The following IPO11 variants were observed in gnomAD, a reference collection of about 807,000 sequenced individuals.
IPO11 encodes importin 11.
IPO11 carries 66 observed loss-of-function variants against 143.2 expected under a neutral mutation model. The observed-to-expected ratio is 0.46, with a 90% confidence interval of 0.38 to 0.57. The LOEUF (loss-of-function observed/expected upper bound fraction) is 0.57, where lower values mean the gene tolerates loss of function less well. Among genes scored for constraint, IPO11 ranks in the 20% least tolerant of loss-of-function variants. The pLI is 0.00. For synonymous variants in IPO11, 385 were observed against 377.8 expected, an observed-to-expected ratio of 1.02 and a Z score of -0.22; for missense variants, 1,026 against 1,141.0, an observed-to-expected ratio of 0.90 and a Z score of 1.45.
intron 19 of IPO11, among the ~76,000 whole-genome samples, chr5:62,513,340 G>C (rs1741853224): frequency 7.1e-6 from 1 of 140,648 alleles, no homozygotes; most frequent in Non-Finnish European, 1.6e-5. Flanking sequence ...TCCCAGACGG[G>C]GCGGCTGGCT....
At chr5:62,590,809 T>C (rs1302776832) in intron 27 of IPO11, among the ~76,000 whole-genome samples, 1 of 152,208 alleles carries the variant, frequency 6.6e-6, no homozygotes, top group Non-Finnish European at 1.5e-5. Context: ...TTAATTTGAA[T>C]TTCCCTAATG....
rs32052 is a variant in IPO11 at position 62,582,348 on chromosome 5, C to T, written c.2583-9229C>T. On this transcript the variant is annotated intron_variant, in intron 27 of 29. Coordinates refer to ENST00000325324, the MANE Select transcript of IPO11 (RefSeq NM_016338.5). ...GAACTGCCTTGGTGATTGGTTGAGG[C>T]GTGGCAGGGGAGGGAGAAGTCAAAG... Among the ~76,000 whole-genome samples the T allele has an allele frequency of 3.3e-5, 5 of 151,966 alleles. No homozygotes were observed. In the South Asian group the frequency reaches 8.3e-4, roughly 25 times the overall value.
chr5:62,605,368 A>T (rs1483327901), intron 29 of IPO11, among the ~76,000 whole-genome samples: 5 of 152,204 alleles, frequency 3.3e-5, no homozygotes, highest in African/African-American at 1.2e-4. Flanking sequence ...TCAAATAAGG[A>T]TGAAATTTAC....
intron 29 of IPO11, among the ~76,000 whole-genome samples, chr5:62,603,713 G>C (rs1745593438): frequency 6.6e-6 from 1 of 152,198 alleles, no homozygotes; most frequent in Non-Finnish European, 1.5e-5. Flanking sequence ...CGCAGACATG[G>C]AGAGAACATG....
chr5:62,504,889 G>C lies in IPO11; in HGVS notation c.1656G>C (p.Gln552His). 6.5e-7 allele frequency: 1 copy of C among 1,548,288 alleles called. No individual in the cohort carries two copies. The highest frequency in any genetic ancestry group is 1.2e-5 in the South Asian group (1 of 82,172). ...ATGATTTTGAATTTAGAACAGATCA[G>C]TTTCTACCGGTAAGAATATACATTT... ...TVDDFEFRTD[Q>H]FLPYLETMFT... Residue 552 changes from glutamine (Q) to histidine (H), a missense_variant, in exon 18 of 30, where the codon CAG (glutamine) becomes CAC (histidine). Physicochemically the swap from Gln to His is conservative, Grantham distance 24. Transcript: ENST00000325324.
intron 16 of IPO11, among the ~76,000 whole-genome samples, chr5:62,503,400 A>ATTAATAGTATCTATTAATATG (rs1741422497): frequency 6.8e-6 from 1 of 146,364 alleles, no homozygotes; most frequent in African/African-American, 2.5e-5. Context: ...CTATTAATAT[A>ATTAATAGTATCTATTAATATG]TTAATAGTAT....
chr5:62,612,615 T>C (rs1327537690), intron 29 of IPO11, among the ~76,000 whole-genome samples: 2 of 152,006 alleles, frequency 1.3e-5, no homozygotes, highest in East Asian at 1.9e-4. Flanking sequence ...AAAATAGTTA[T>C]TTATAAAAAT....
At chr5:62,435,715 A>T (rs1437209350) in intron 1 of IPO11, among the ~76,000 whole-genome samples, 2 of 145,612 alleles carry the variant, frequency 1.4e-5, no homozygotes, top group Non-Finnish European at 3.0e-5. Context: ...ACAGAGCAAG[A>T]CTCTGTCTCA....
At chr5:62,445,574 A>G (rs547735928) in intron 3 of IPO11, among the ~76,000 whole-genome samples, 1 of 152,224 alleles carries the variant, frequency 6.6e-6, no homozygotes, top group Admixed American at 6.5e-5. Context: ...CCATACAACC[A>G]TTCTATTTTT....
At position 62,560,125 on chromosome 5, in the gene IPO11, A is replaced by C. The variant is rs73108051; in HGVS notation, c.2461-1011A>C. Among the ~76,000 whole-genome samples the C allele has an allele frequency of 6.2e-3, 941 of 152,228 alleles. 8 individuals are homozygous for C. The highest frequency in any genetic ancestry group is 0.022 in the African/African-American group (905 of 41,524). ...AAGAATGCCATATGCAGCATAGACT[A>C]TAATTAGTGCAGTAAAGTCAAGATT... On this transcript the variant is annotated intron_variant, in intron 26 of 29. Coordinates refer to ENST00000325324, the MANE Select transcript of IPO11 (RefSeq NM_016338.5).
intron 24 of IPO11, among the ~76,000 whole-genome samples, chr5:62,548,415 CTGT>C (rs1743281703): frequency 6.6e-6 from 1 of 151,980 alleles, no homozygotes. Flanking sequence ...CTGCTTGTTC[CTGT>C]TGTTATGAAA....
At chr5:62,463,637 C>T (rs768332958) in intron 5 of IPO11, among the ~76,000 whole-genome samples, 4 of 151,048 alleles carry the variant, frequency 2.6e-5, no homozygotes, top group Non-Finnish European at 4.4e-5. Flanking sequence ...CGCCACTGCA[C>T]TCTAGCCTGG....
chr5:62,534,091 T>C (rs1742652690), intron 22 of IPO11, among the ~76,000 whole-genome samples: 1 of 152,228 alleles, frequency 6.6e-6, no homozygotes, highest in Non-Finnish European at 1.5e-5. Context: ...TATTCAAGGC[T>C]AAGATTCATT....
At chr5:62,499,300 A>G (rs1391192935) in intron 16 of IPO11, among the ~76,000 whole-genome samples, 1 of 152,214 alleles carries the variant, frequency 6.6e-6, no homozygotes, top group African/African-American at 2.4e-5. Flanking sequence ...GATGGTAAGT[A>G]TTTGTGTGTC....
At chr5:62,623,565 G>T (rs1301269384) in intron 29 of IPO11, among the ~76,000 whole-genome samples, 1 of 151,810 alleles carries the variant, frequency 6.6e-6, no homozygotes, top group Non-Finnish European at 1.5e-5. Flanking sequence ...TAAAAGAATG[G>T]CTACTCCATA....
At chr5:62,611,542 T>C (rs1393036081) in intron 29 of IPO11, among the ~76,000 whole-genome samples, 1 of 152,196 alleles carries the variant, frequency 6.6e-6, no homozygotes, top group East Asian at 1.9e-4. Flanking sequence ...TTCAAATTAA[T>C]TGCCTGCTGA....
In IPO11 at chr5:62,442,520, T is replaced by C. The variant is rs1361958895; in HGVS notation, c.139-463T>C. ...TAGAACTATATATACTTCATAAATA[T>C]CGATATGATATATGTAGTGATAGAA... On this transcript the variant is annotated intron_variant, in intron 2 of 29. Coordinates refer to ENST00000325324, the MANE Select transcript of IPO11 (RefSeq NM_016338.5). 3.9e-5 allele frequency among the ~76,000 whole-genome samples: 6 copies of C among 152,146 alleles called. No homozygotes were observed. The South Asian group carries it at 6.2e-4, about 16-fold the overall frequency.
chr5:62,521,267 G>A (rs1337402738), intron 20 of IPO11, among the ~76,000 whole-genome samples: 4 of 152,150 alleles, frequency 2.6e-5, no homozygotes, highest in Non-Finnish European at 5.9e-5. Context: ...AAAATACATA[G>A]GAGGTAAATT....
intron 15 of IPO11, among the ~76,000 whole-genome samples, chr5:62,491,869 A>T (rs528929601): frequency 6.6e-5 from 10 of 151,828 alleles, no homozygotes; most frequent in African/African-American, 2.4e-4. Flanking sequence ...ACGAGGTTTC[A>T]CTGTGTTAGC....
Sources: allele counts gnomAD v4.1 joint callset (sites outside exome capture counted in the v4.1 genomes callset), GRCh38; gene constraint gnomAD v4.1.1; transcripts MANE v1.5; gene names NCBI Gene and HGNC (gene_info 2026-07-23, HGNC 2026-07-21).